The following KSR2 variants were observed in gnomAD, a reference collection of about 807,000 sequenced individuals.
KSR2 encodes kinase suppressor of ras 2.
In KSR2, 25 loss-of-function variants were observed where a neutral mutation model predicts 107.8. The observed-to-expected ratio is 0.23, with a 90% CI of 0.17 to 0.32. The LOEUF (loss-of-function observed/expected upper bound fraction) is 0.32, where lower values mean the gene tolerates loss of function less well. Ranked by LOEUF, KSR2 falls within the 10% of genes least tolerant of loss-of-function variation. The pLI is 1.00. For synonymous variants in KSR2, 480 were observed against 507.0 expected (o/e 0.95, Z 0.71); for missense variants, 887 against 1,268.9 (o/e 0.70, Z 4.57).
chr12:117,729,708 C>CCATT (rs1477251376), intron 4 of KSR2, among the ~76,000 whole-genome samples: 2 of 151,432 alleles, frequency 1.3e-5, no homozygotes, highest in Admixed American at 1.3e-4. Context: ...ACCCACCCAT[C>CCATT]CATTCATTCA....
At position 117,968,256 on chromosome 12, in the gene KSR2, C is replaced by T. The variant is rs1437582041; in HGVS notation, c.-1G>A. On this transcript the variant is annotated 5_prime_UTR_variant, in exon 1 of 20. Coordinates refer to ENST00000339824, the MANE Select transcript of KSR2 (RefSeq NM_173598.6). ...TTTTCGTCATGTTTTCCTCATCCAT[C>T]GCTTGCTCTGCAACCCCCTTCCCCT... The T allele has an allele frequency of 5.1e-6, 7 of 1,378,288 alleles. No individual in the cohort carries two copies. The highest frequency in any genetic ancestry group is 2.7e-4 in the Middle Eastern group (1 of 3,722). The allele number at this position is 1,378,288 out of a possible 1,614,324, so 85.4% of individuals were successfully genotyped here.
At chr12:117,559,072 A>G (rs1877929839) in intron 7 of KSR2, among the ~76,000 whole-genome samples, 1 of 151,478 alleles carries the variant, frequency 6.6e-6, no homozygotes, top group African/African-American at 2.4e-5. Context: ...GGATGGATGG[A>G]TGGATGGATG....
At chr12:117,576,023 C>T (rs1310583870) in intron 7 of KSR2, among the ~76,000 whole-genome samples, 2 of 152,164 alleles carry the variant, frequency 1.3e-5, no homozygotes, top group Admixed American at 1.3e-4. Context: ...GCTTACCCCC[C>T]CACCCTATCC....
At chr12:117,669,840 C>A (rs1461969214) in intron 4 of KSR2, among the ~76,000 whole-genome samples, 1 of 151,918 alleles carries the variant, frequency 6.6e-6, no homozygotes, top group Non-Finnish European at 1.5e-5. Context: ...TGCACTCCAG[C>A]CTGGGTGACA....
At chr12:117,697,140 A>G (rs531617662) in intron 4 of KSR2, among the ~76,000 whole-genome samples, 62 of 152,346 alleles carry the variant, frequency 4.1e-4, no homozygotes, top group African/African-American at 1.3e-3. Context: ...CCCCCTCGAG[A>G]TGGAAGGTTC....
chr12:117,554,342 A>G (rs908373792), intron 9 of KSR2, among the ~76,000 whole-genome samples: 1 of 152,210 alleles, frequency 6.6e-6, no homozygotes, highest in East Asian at 1.9e-4. Flanking sequence ...CTCAGAGCTC[A>G]GGGCCCCCAA....
intron 4 of KSR2, among the ~76,000 whole-genome samples, chr12:117,697,159 C>G (rs1468122751): frequency 6.6e-6 from 1 of 152,198 alleles, no homozygotes; most frequent in African/African-American, 2.4e-5. Context: ...TCCCTATCAG[C>G]TCAGGAAGGA....
intron 5 of KSR2, among the ~76,000 whole-genome samples, chr12:117,599,224 G>A (rs1291530920): frequency 2.0e-5 from 3 of 152,100 alleles, no homozygotes; most frequent in Non-Finnish European, 4.4e-5. Flanking sequence ...TTGAGAAGCT[G>A]GACTCCAAAG....
chr12:117,939,975 AC>A, intron 1 of KSR2, among the ~76,000 whole-genome samples: 1 of 151,760 alleles, frequency 6.6e-6, no homozygotes, highest in African/African-American at 2.4e-5. Flanking sequence ...ACACACACAC[AC>A]ACACACACAC....
intron 1 of KSR2, among the ~76,000 whole-genome samples, chr12:117,950,749 A>T (rs28683677): frequency 0.072 from 9,500 of 131,948 alleles, 401 homozygotes; most frequent in African/African-American, 0.093. Context: ...AAAAAAAAAA[A>T]AATAATAATA....
intron 1 of KSR2, among the ~76,000 whole-genome samples, chr12:117,958,199 G>C (rs1398156020): frequency 6.6e-6 from 1 of 152,066 alleles, no homozygotes; most frequent in Non-Finnish European, 1.5e-5. Context: ...GCCCTACCCA[G>C]TTAAAAACAG....
At chr12:117,497,432 T>A (rs1236226765) in intron 14 of KSR2, among the ~76,000 whole-genome samples, 2 of 152,102 alleles carry the variant, frequency 1.3e-5, no homozygotes, top group Non-Finnish European at 1.5e-5. Flanking sequence ...CAAAGACTCT[T>A]CATTAACTTG....
chr12:117,737,351 A>G (rs1887984419), intron 4 of KSR2, among the ~76,000 whole-genome samples: 1 of 134,096 alleles, frequency 7.5e-6, no homozygotes, highest in Non-Finnish European at 1.6e-5. Context: ...GAGTGCTGGC[A>G]GCACACTGCA....
chr12:117,601,411 A>C (rs1199461747), intron 5 of KSR2, among the ~76,000 whole-genome samples: 1 of 152,158 alleles, frequency 6.6e-6, no homozygotes, highest in Non-Finnish European at 1.5e-5. Flanking sequence ...GATATAATCA[A>C]GTTAAGATGA....
chr12:117,863,140 C>T (rs1016334430), intron 1 of KSR2, among the ~76,000 whole-genome samples: 8 of 152,158 alleles, frequency 5.3e-5, no homozygotes, highest in Non-Finnish European at 7.3e-5. Context: ...TGTATCACCC[C>T]ATCACAGCTG....
chr12:117,913,570 G>C (rs911932850), intron 1 of KSR2, among the ~76,000 whole-genome samples: 1 of 152,194 alleles, frequency 6.6e-6, no homozygotes, highest in Non-Finnish European at 1.5e-5. Flanking sequence ...GTAAGAGACA[G>C]AAATAGGAGA....
At chr12:117,711,977 G>A (rs1051547887) in intron 4 of KSR2, among the ~76,000 whole-genome samples, 10 of 152,174 alleles carry the variant, frequency 6.6e-5, no homozygotes, top group Non-Finnish European at 1.3e-4. Flanking sequence ...GCTGGCCTCA[G>A]GGCAAGGCTC....
chr12:117,454,393 G>A lies in KSR2; in HGVS notation c.*12806C>T, dbSNP rs1199896505. On this transcript the variant is annotated 3_prime_UTR_variant, in exon 20 of 20. Transcript: ENST00000339824. ...AAGTTGAAGCAGATAAACAAGCCTC[G>A]CTAATTTGCAGTAGCCACATATACC... 1.3e-5 allele frequency: 2 copies of A among 152,184 alleles called. No individual in the cohort carries two copies. The highest frequency in any genetic ancestry group is 2.9e-5 in the Non-Finnish European group (2 of 68,042). The allele number at this position is 152,184 out of a possible 1,614,324, so 9.4% of individuals were successfully genotyped here. A position where few individuals can be genotyped will look rare whatever the true frequency, so the allele number is the denominator to read the frequency against.
chr12:117,532,711 C>G, intron 10 of KSR2, among the ~76,000 whole-genome samples: 2 of 152,202 alleles, frequency 1.3e-5, no homozygotes, highest in South Asian at 4.2e-4. Flanking sequence ...CCAGGGGTCT[C>G]GGACACTTAA....
Sources: allele counts gnomAD v4.1 joint callset (sites outside exome capture counted in the v4.1 genomes callset), GRCh38; gene constraint gnomAD v4.1.1; transcripts MANE v1.5; gene names NCBI Gene and HGNC (gene_info 2026-07-23, HGNC 2026-07-21).